Variants in PRDM11 observed in about 807,000 individuals in gnomAD.
The protein encoded by PRDM11 is PR/SET domain 11.
Under a neutral mutation model 97.8 loss-of-function variants are expected in PRDM11, and 20 were observed. The observed-to-expected ratio is 0.20, with a 90% CI of 0.14 to 0.30. The LOEUF (loss-of-function observed/expected upper bound fraction) is 0.30, where lower values mean the gene tolerates loss of function less well. PRDM11 is among the 10% of genes least tolerant of loss of function. The pLI is 1.00. For synonymous variants in PRDM11, 599 were observed against 637.7 expected (o/e 0.94, Z 0.91); for missense variants, 1,139 against 1,555.2 (o/e 0.73, Z 4.50).
chr11:45,201,811 A>AAC (rs1853337668), intron 4 of PRDM11, among the ~76,000 whole-genome samples: 2 of 152,084 alleles, frequency 1.3e-5, no homozygotes, highest in African/African-American at 4.8e-5. Flanking sequence ...ACTAAAAAAA[A>AAC]ACACAAAAAA....
chr11:45,175,251 A>T (rs1215952435), intron 1 of PRDM11, among the ~76,000 whole-genome samples: 1 of 152,192 alleles, frequency 6.6e-6, no homozygotes, highest in Non-Finnish European at 1.5e-5. Flanking sequence ...TATCATACAG[A>T]GTAATTTTAC....
intron 5 of PRDM11, among the ~76,000 whole-genome samples, chr11:45,206,221 C>G (rs1179346251): frequency 6.6e-6 from 1 of 152,218 alleles, no homozygotes; most frequent in African/African-American, 2.4e-5. Context: ...CCCCCGCTGG[C>G]CCTTCCCGGG....
chr11:45,117,158 G>A (rs1432711412), intron 1 of PRDM11, among the ~76,000 whole-genome samples: 2 of 144,986 alleles, frequency 1.4e-5, no homozygotes, highest in Non-Finnish European at 3.0e-5. Flanking sequence ...TGGGAGGCAG[G>A]TTGCAATGAG....
At chr11:45,177,372 G>T (rs926910133) in intron 1 of PRDM11, among the ~76,000 whole-genome samples, 2 of 152,238 alleles carry the variant, frequency 1.3e-5, no homozygotes, top group African/African-American at 4.8e-5. Flanking sequence ...CTTCCCCCAA[G>T]ACTTTTGCTG....
intron 5 of PRDM11, chr11:45,213,541 C>T (rs1853852666): frequency 4.4e-6 from 2 of 456,424 alleles, no homozygotes; most frequent in Non-Finnish European, 8.8e-6. Context: ...CCGCCTTGGC[C>T]CTCCGCTTGC....
At chr11:45,209,293 G>C in intron 5 of PRDM11, 1 of 361,178 alleles carries the variant, frequency 2.8e-6, no homozygotes, top group Non-Finnish European at 5.5e-6. Flanking sequence ...CCTTCGACCA[G>C]CTGTGAGTAT....
intron 4 of PRDM11, among the ~76,000 whole-genome samples, chr11:45,201,240 C>A (rs948433552): frequency 6.6e-6 from 1 of 152,044 alleles, no homozygotes; most frequent in Non-Finnish European, 1.5e-5. Flanking sequence ...GTATTTATTG[C>A]CTTTTAAAAA....
At position 45,224,797 on chromosome 11, in the gene PRDM11, A is replaced by G. The variant is rs1854228169; in HGVS notation, c.1323A>G (p.Val441=). The stretch of plus-strand genomic sequence containing the variant: ...CTGGGAAACTTCCTGAGCCCCCCGT[A>G]TTGCCACCACAGGTACTGGAGCTCC... ...LKSGKLPEPP[V]LPPQVLELPE... is the part of the protein sequence containing the mutation. The change falls in exon 7 of 8, where the codon GTA becomes GTG. Residue 441 remains valine, a synonymous_variant. Coordinates refer to ENST00000683152, the MANE Select transcript of PRDM11 (RefSeq NM_001384648.1). 1.2e-6 allele frequency: 2 copies of G among 1,614,172 alleles called. No homozygotes were observed. Among genetic ancestry groups the G allele is most frequent in the Non-Finnish European group, 1.7e-6 (2 of 1,180,028 alleles).
intron 4 of PRDM11, among the ~76,000 whole-genome samples, chr11:45,194,974 AT>A (rs1032169063): frequency 1.3e-5 from 2 of 151,912 alleles, no homozygotes; most frequent in Non-Finnish European, 2.9e-5. Flanking sequence ...TATACAGGTC[AT>A]TTATGGGGCC....
intron 1 of PRDM11, among the ~76,000 whole-genome samples, chr11:45,110,302 C>T (rs1565226812): frequency 6.6e-6 from 1 of 152,134 alleles, no homozygotes; most frequent in Admixed American, 6.5e-5. Flanking sequence ...GCCCTGAGTA[C>T]ATGCCCTTAC....
chr11:45,153,286 G>A (rs1851705442), intron 1 of PRDM11, among the ~76,000 whole-genome samples: 1 of 152,242 alleles, frequency 6.6e-6, no homozygotes, highest in South Asian at 2.1e-4. Context: ...GCCAGCTGGT[G>A]GGGTCCACAC....
chr11:45,099,675 G>T (rs1431154145), intron 1 of PRDM11, among the ~76,000 whole-genome samples: 5 of 152,080 alleles, frequency 3.3e-5, no homozygotes, highest in Non-Finnish European at 2.9e-5. Flanking sequence ...GGAGAGTGGG[G>T]TATCCATCCC....
chr11:45,169,404 G>A (rs1176810384), intron 1 of PRDM11, among the ~76,000 whole-genome samples: 1 of 152,224 alleles, frequency 6.6e-6, no homozygotes, highest in African/African-American at 2.4e-5. Context: ...AAATGTGTAT[G>A]TCCTTTAACA....
chr11:45,220,998 C>T (rs1210743615), intron 6 of PRDM11, among the ~76,000 whole-genome samples: 4 of 152,136 alleles, frequency 2.6e-5, no homozygotes, highest in Non-Finnish European at 5.9e-5. Flanking sequence ...TCCCAAGCCT[C>T]ACCATATCGT....
At chr11:45,094,268 C>A (rs969730592), upstream of PRDM11, among the ~76,000 whole-genome samples, 2 of 152,024 alleles carry the variant, frequency 1.3e-5, no homozygotes, top group Admixed American at 1.3e-4. Flanking sequence ...GGAGGTGAGA[C>A]GATGGGGTGC....
intron 1 of PRDM11, among the ~76,000 whole-genome samples, chr11:45,126,084 C>T (rs1295478913): frequency 1.3e-5 from 2 of 152,164 alleles, no homozygotes; most frequent in African/African-American, 4.8e-5. Flanking sequence ...GATCCTTTTA[C>T]CATTATGTAA....
At chr11:45,177,584 A>T (rs551155762) in intron 1 of PRDM11, among the ~76,000 whole-genome samples, 2 of 152,266 alleles carry the variant, frequency 1.3e-5, no homozygotes, top group East Asian at 3.9e-4. Flanking sequence ...CAAGCACAAA[A>T]GTCTGTCTAT....
At chr11:45,122,742 T>C (rs1852467516) in intron 1 of PRDM11, among the ~76,000 whole-genome samples, 1 of 152,166 alleles carries the variant, frequency 6.6e-6, no homozygotes, top group East Asian at 1.9e-4. Context: ...AGTCTATCGT[T>C]GTTGGACATT....
chr11:45,094,904 G>C (rs71491858), upstream of PRDM11, among the ~76,000 whole-genome samples: 1 of 149,110 alleles, frequency 6.7e-6, no homozygotes, highest in South Asian at 2.2e-4. Context: ...GGAAGGGAAA[G>C]AAGGAAGGGA....
Sources: gnomAD v4.1 joint callset for allele counts (sites outside exome capture counted in the v4.1 genomes callset) on GRCh38, gnomAD v4.1.1 for gene constraint, MANE v1.5 for transcripts, NCBI Gene and HGNC (gene_info 2026-07-23, HGNC 2026-07-21) for gene names.